FBXL14: variants seen among roughly 807,000 people sequenced by gnomAD.
FBXL14 encodes F-box/LRR-repeat protein 14.
A neutral mutation model predicts 24.5 loss-of-function variants in FBXL14; 11 were observed. The observed-to-expected ratio is 0.45, with a 90% CI of 0.28 to 0.74. The LOEUF (loss-of-function observed/expected upper bound fraction) is 0.74. FBXL14 is among the 30% of genes least tolerant of loss of function. FBXL14 has a pLI of 0.12. For missense variants in FBXL14, 384 were observed against 545.6 expected, an observed-to-expected ratio of 0.70 and a Z score of 2.95; for synonymous variants, 294 against 240.4, an observed-to-expected ratio of 1.22 and a Z score of -2.06.
chr12:1,575,376 A>G (rs188224775), intron 1 of FBXL14, among the ~76,000 whole-genome samples: 5 of 152,322 alleles, frequency 3.3e-5, no homozygotes, highest in South Asian at 2.1e-4. Context: ...TGTCTTATCT[A>G]TCGACCTAAC....
chr12:1,568,355 A>G lies in FBXL14; in HGVS notation c.1195-1545T>C, dbSNP rs1006185776. Among the ~76,000 whole-genome samples the G allele has an allele frequency of 2.2e-4, 34 of 152,200 alleles. 1 individual carries two copies. The highest frequency in any genetic ancestry group is 5.9e-5 in the Non-Finnish European group (4 of 68,040). On this transcript the variant is annotated intron_variant, in intron 1 of 1. Coordinates refer to ENST00000339235, the MANE Select transcript of FBXL14 (RefSeq NM_152441.3). Reference sequence around the variant, plus strand: ...AGGAGAATAAAGACTTTTTCAGACAAACAAAACTTCAGGGAATTTGTTGCC... The same window carrying G: ...AGGAGAATAAAGACTTTTTCAGACAGACAAAACTTCAGGGAATTTGTTGCC...
chr12:1,586,723 A>C (rs535269981), intron 1 of FBXL14, among the ~76,000 whole-genome samples: 1 of 152,340 alleles, frequency 6.6e-6, no homozygotes, highest in South Asian at 2.1e-4. Context: ...AGATTTGGGA[A>C]AACAAAAATG....
intron 1 of FBXL14, among the ~76,000 whole-genome samples, chr12:1,592,555 G>C (rs2094492899): frequency 6.6e-6 from 1 of 152,184 alleles, no homozygotes; most frequent in Non-Finnish European, 1.5e-5. Context: ...ACAGCAGTGG[G>C]GATACAGTAG....
At chr12:1,574,660 T>C (rs998945023) in intron 1 of FBXL14, 1 of 191,372 alleles carries the variant, frequency 5.2e-6, no homozygotes, top group African/African-American at 2.4e-5. Context: ...AGTTCTCAAA[T>C]GCTCCAGATC....
intron 1 of FBXL14, among the ~76,000 whole-genome samples, chr12:1,585,715 TAAG>T (rs1405683576): frequency 1.3e-5 from 2 of 152,314 alleles, no homozygotes; most frequent in Non-Finnish European, 2.9e-5. Flanking sequence ...GTAATAAATA[TAAG>T]AAGGTGCCTA....
At chr12:1,580,412 A>G (rs1006043420) in intron 1 of FBXL14, among the ~76,000 whole-genome samples, 1 of 152,208 alleles carries the variant, frequency 6.6e-6, no homozygotes, top group Non-Finnish European at 1.5e-5. Flanking sequence ...TTGAAGCAAT[A>G]GTGTTCACAG....
intron 1 of FBXL14, among the ~76,000 whole-genome samples, chr12:1,583,254 C>T (rs887994162): frequency 1.3e-5 from 2 of 151,774 alleles, no homozygotes; most frequent in Non-Finnish European, 2.9e-5. Flanking sequence ...CTTTTTCTTG[C>T]TGTTTAAATT....
chr12:1,586,967 G>A (rs2094477938), intron 1 of FBXL14, among the ~76,000 whole-genome samples: 1 of 152,232 alleles, frequency 6.6e-6, no homozygotes, highest in African/African-American at 2.4e-5. Context: ...GCCGGGCGCG[G>A]TGGCTCATGC....
In FBXL14 at chr12:1,579,473, G is replaced by A. The variant is rs771406635; in HGVS notation, c.1195-12663C>T. ...CTCTACTAAAACACAAAAATTAGCCGGGCATGATGGCGCACACCTGTAATC... is the reference window on the plus strand; with the variant it reads ...CTCTACTAAAACACAAAAATTAGCCAGGCATGATGGCGCACACCTGTAATC... On this transcript the variant is annotated intron_variant, in intron 1 of 1. Transcript: ENST00000339235. The surrounding 1 kb of genome is among the most constrained non-coding windows in gnomAD (Gnocchi z 4.3). Among the ~76,000 whole-genome samples, 1 of 151,840 alleles carries A rather than the reference G, an allele frequency of 6.6e-6. No homozygotes were observed. The highest frequency in any genetic ancestry group is 1.5e-5 in the Non-Finnish European group (1 of 67,984).
At chr12:1,574,406 C>CTGG (rs1229044820) in intron 1 of FBXL14, among the ~76,000 whole-genome samples, 9 of 83,604 alleles carry the variant, frequency 1.1e-4, no homozygotes, top group South Asian at 4.6e-4. Flanking sequence ...GTGGGGGAGG[C>CTGG]TGGCGGCAGT....
Position 1,579,913 on chromosome 12 carries a change from G to A in FBXL14, c.1194+12960C>T, listed in dbSNP as rs570034182. ...CCAGCCTGAAATGTTCATCCTCATC[G>A]ATTAATCCTTAATGAACACTCATGC... On this transcript the variant is annotated intron_variant, in intron 1 of 1. Transcript: ENST00000339235. The surrounding 1 kb of genome is among the most constrained non-coding windows in gnomAD (Gnocchi z 4.3). Among the ~76,000 whole-genome samples, 18 of 152,280 alleles carry A rather than the reference G, an allele frequency of 1.2e-4. No homozygotes were observed. Among genetic ancestry groups the A allele is most frequent in the Admixed American group, 6.5e-4 (10 of 15,302 alleles).
At chr12:1,577,944 C>T (rs9804888) in intron 1 of FBXL14, among the ~76,000 whole-genome samples, 35,777 of 152,114 alleles carry the variant, frequency 0.24, 6,388 homozygotes, top group African/African-American at 0.5. Context: ...GCTCCATCGC[C>T]CCCTGTAGTT....
chr12:1,578,200 TAGAG>T (rs889471037), intron 1 of FBXL14, among the ~76,000 whole-genome samples: 55 of 152,348 alleles, frequency 3.6e-4, no homozygotes, highest in African/African-American at 1.3e-3. Context: ...CTACCTCTAA[TAGAG>T]AGTCTGAAAG....
Position 1,566,826 on chromosome 12 carries a change from G to T in FBXL14, c.1195-16C>A, listed in dbSNP as rs373724069. On this transcript the variant is annotated splice_polypyrimidine_tract_variant and intron_variant, in intron 1 of 1. Coordinates refer to ENST00000339235, the MANE Select transcript of FBXL14 (RefSeq NM_152441.3). ...CTCGTGCCTCCTGCAGTGGGAAGAA[G>T]AAAAAGGACCATTTTGAAAGAGACT... is the stretch of plus-strand genomic sequence containing the variant. 2 of 780,752 alleles carry T rather than the reference G, an allele frequency of 2.6e-6. No homozygotes were observed. Among genetic ancestry groups the T allele is most frequent in the Non-Finnish European group, 4.8e-6 (2 of 418,016 alleles). 48.4% of individuals were successfully genotyped at this position (780,752 alleles called of 1,614,324 possible).
intron 1 of FBXL14, among the ~76,000 whole-genome samples, chr12:1,583,635 T>C (rs1316231041): frequency 6.6e-6 from 1 of 152,172 alleles, no homozygotes; most frequent in Non-Finnish European, 1.5e-5. Context: ...CCTTGGGAAA[T>C]AGCTTCCAAC....
rs980094323 is a variant in FBXL14 at position 1,594,414 on chromosome 12, GCCGCTCCGC to G, written c.-357_-349del. Among the ~76,000 whole-genome samples, 68 of 141,458 alleles carry G rather than the reference GCCGCTCCGC, an allele frequency of 4.8e-4. No homozygotes were observed. Among genetic ancestry groups the G allele is most frequent in the African/African-American group, 1.5e-3 (58 of 39,366 alleles). 92.8% of individuals were successfully genotyped at this position (141,458 alleles called of 152,430 possible). A position where few individuals can be genotyped will look rare whatever the true frequency, so the allele number is the denominator to read the frequency against. ...TCTACCCACGCCGCGCCCGGGCCGC[GCCGCTCCGC>G]CCGCGCCGCCGCGCCCACGCCCCCT... On this transcript the variant is annotated 5_prime_UTR_variant, in exon 1 of 2. Coordinates refer to ENST00000339235, the MANE Select transcript of FBXL14 (RefSeq NM_152441.3).
intron 1 of FBXL14, among the ~76,000 whole-genome samples, chr12:1,589,881 G>A (rs2094485613): frequency 6.6e-6 from 1 of 152,180 alleles, no homozygotes; most frequent in Non-Finnish European, 1.5e-5. Flanking sequence ...AACATTTAAC[G>A]TAAAAAGGAG....
chr12:1,577,009 C>T (rs1401343213), intron 1 of FBXL14, among the ~76,000 whole-genome samples: 1 of 152,134 alleles, frequency 6.6e-6, no homozygotes, highest in Non-Finnish European at 1.5e-5. Flanking sequence ...CTCTTAAAGT[C>T]GTCTTAGCTG....
chr12:1,573,779 C>T (rs10848526), intron 1 of FBXL14, among the ~76,000 whole-genome samples: 30,705 of 152,078 alleles, frequency 0.2, 3,195 homozygotes, highest in Middle Eastern at 0.26. Flanking sequence ...CCAAGGCGGG[C>T]GGATCACCTG....
Sources: allele counts gnomAD v4.1 joint callset (sites outside exome capture counted in the v4.1 genomes callset), GRCh38; gene constraint gnomAD v4.1.1; non-coding constraint Gnocchi (gnomAD v3.1); transcripts MANE v1.5; gene names NCBI Gene and HGNC (gene_info 2026-07-23, HGNC 2026-07-21).